The following PDCD7 variants were observed in gnomAD, a reference collection of about 807,000 sequenced individuals.
PDCD7 encodes programmed cell death 7.
A neutral mutation model predicts 42.1 loss-of-function variants in PDCD7; 40 were observed. That is an observed-to-expected ratio of 0.95 (90% CI 0.74 to 1.24). The LOEUF (loss-of-function observed/expected upper bound fraction) is 1.24. Ranked by LOEUF, PDCD7 falls within the 50% of genes most tolerant of loss-of-function variation. The probability of loss-of-function intolerance (pLI) is 0.00; values close to 1 mark genes in which losing one functional copy is unlikely to be tolerated. For missense variants in PDCD7, 644 were observed against 662.8 expected (o/e 0.97, Z 0.31); for synonymous variants, 299 against 303.3 (o/e 0.99, Z 0.15).
chr15:65,120,656 G>A (rs57723339), intron 2 of PDCD7, among the ~76,000 whole-genome samples: 9 of 152,078 alleles, frequency 5.9e-5, no homozygotes, highest in East Asian at 5.8e-4. Context: ...TGCAGTGAGC[G>A]GAGATCACAC....
At position 65,119,468 on chromosome 15, in the gene PDCD7, AAG is replaced by A; in HGVS notation, c.1247-7_1247-6del. 1 of 1,603,704 alleles carries A rather than the reference AAG, an allele frequency of 6.2e-7. No homozygotes were observed. Among genetic ancestry groups the A allele is most frequent in the Non-Finnish European group, 8.5e-7 (1 of 1,170,572 alleles). ...GGTGAGCAAGTGGGAACTCATCTGA[AAG>A]AGAAAAGCACAATACCACGTTATCA... is the stretch of plus-strand genomic sequence containing the variant. On this transcript the variant is annotated splice_polypyrimidine_tract_variant and splice_region_variant and intron_variant, in intron 3 of 4. Coordinates refer to ENST00000204549, the MANE Select transcript of PDCD7 (RefSeq NM_005707.2).
chr15:65,132,397 G>A (rs560097280), intron 1 of PDCD7, among the ~76,000 whole-genome samples: 2 of 151,566 alleles, frequency 1.3e-5, no homozygotes, highest in Non-Finnish European at 2.9e-5. Context: ...GATTACAGGC[G>A]CCCGCCACCA....
rs527284873 is a variant in PDCD7 at position 65,131,852 on chromosome 15, G to A, written c.870+1060C>T. On this transcript the variant is annotated intron_variant, in intron 1 of 4. Transcript: ENST00000204549. ...CTGAGATCAATACGCTTTGGAATTA[G>A]ACAACTTGGGATCAAATATGGGAAA... is the stretch of plus-strand genomic sequence containing the variant. Among the ~76,000 whole-genome samples the A allele has an allele frequency of 7.2e-5, 11 of 152,184 alleles. No individual in the cohort carries two copies. The South Asian group carries it at 2.3e-3, about 32-fold the overall frequency.
intron 1 of PDCD7, among the ~76,000 whole-genome samples, chr15:65,131,777 G>A (rs933568758): frequency 6.6e-6 from 1 of 152,006 alleles, no homozygotes; most frequent in African/African-American, 2.4e-5. Context: ...AAATGCCTTA[G>A]AAAACCATCT....
At chr15:65,132,272 G>A (rs1321938847) in intron 1 of PDCD7, among the ~76,000 whole-genome samples, 1 of 151,178 alleles carries the variant, frequency 6.6e-6, no homozygotes, top group East Asian at 1.9e-4. Flanking sequence ...TTGAGGTAGG[G>A]TCCCCAAGTT....
At chr15:65,122,986 G>C (rs2087469164) in intron 2 of PDCD7, among the ~76,000 whole-genome samples, 1 of 150,418 alleles carries the variant, frequency 6.6e-6, no homozygotes, top group Non-Finnish European at 1.5e-5. Flanking sequence ...TGGGCAACAA[G>C]AGTGAAACTC....
chr15:65,129,342 G>C (rs2087521486), intron 1 of PDCD7, among the ~76,000 whole-genome samples, 172 bp from the exon 2 acceptor site: 1 of 152,152 alleles, frequency 6.6e-6, no homozygotes, highest in Non-Finnish European at 1.5e-5. Context: ...CTAGCTAAGA[G>C]GTTATCCCCC....
intron 2 of PDCD7, among the ~76,000 whole-genome samples, chr15:65,121,730 TAGTC>T (rs1306125417): frequency 1.3e-5 from 2 of 152,266 alleles, no homozygotes; most frequent in South Asian, 2.1e-4. Flanking sequence ...GTGGAGAAAA[TAGTC>T]AGGTTATTAG....
At chr15:65,126,970 C>T (rs1351197468) in intron 2 of PDCD7, among the ~76,000 whole-genome samples, 1 of 151,886 alleles carries the variant, frequency 6.6e-6, no homozygotes, top group African/African-American at 2.4e-5. Context: ...TTCTGAATTA[C>T]TCAATTATTC....
Position 65,118,641 on chromosome 15 carries a change from A to G in PDCD7, c.*76T>C. 4.9e-6 allele frequency: 7 copies of G among 1,435,210 alleles called. No individual in the cohort carries two copies. The South Asian group carries it at 7.6e-5, about 16-fold the overall frequency. 88.9% of individuals were successfully genotyped at this position (1,435,210 alleles called of 1,614,324 possible). ...ATTTAGAAGTTGCAGTTTAGTCTAC[A>G]GCAAAAGATGGCACCATCGCTAATA... On this transcript the variant is annotated 3_prime_UTR_variant, in exon 5 of 5. Coordinates refer to ENST00000204549, the MANE Select transcript of PDCD7 (RefSeq NM_005707.2).
chr15:65,131,891 G>A (rs547428630), intron 1 of PDCD7, among the ~76,000 whole-genome samples: 11 of 152,086 alleles, frequency 7.2e-5, no homozygotes, highest in African/African-American at 2.7e-4. Flanking sequence ...CCACAAACTC[G>A]TTGTGTGACT....
Position 65,133,450 on chromosome 15 carries a change from G to A in PDCD7, c.332C>T (p.Pro111Leu), listed in dbSNP as rs2087560936. Residue 111 changes from proline to leucine, a missense_variant, in exon 1 of 5, where the codon CCT (proline) becomes CTT (leucine). Physicochemically the swap from Pro to Leu is moderately conservative, Grantham distance 98 (BLOSUM62 -3). Coordinates refer to ENST00000204549, the MANE Select transcript of PDCD7 (RefSeq NM_005707.2). ...TDAGERPRPP[P>L]PGPGPPWSPR... ...GCTCCAGGGCGGCCCCGGGCCGGGA[G>A]GCGGTGGCCGCGGCCGCTCGCCGGC... 2 of 1,201,062 alleles carry A rather than the reference G, an allele frequency of 1.7e-6. No homozygotes were observed. Among genetic ancestry groups the A allele is most frequent in the Admixed American group, 4.4e-5 (1 of 22,496 alleles). 74.4% of individuals were successfully genotyped at this position (1,201,062 alleles called of 1,614,324 possible).
chr15:65,119,919 TA>T lies in PDCD7; in HGVS notation c.1044del (p.Phe348LeufsTer8), dbSNP rs761531041. On this transcript the variant is annotated frameshift_variant, in exon 3 of 5. Coordinates refer to ENST00000204549, the MANE Select transcript of PDCD7 (RefSeq NM_005707.2). LOFTEE classifies it high-confidence loss of function. ...VCPPASADET[F>X]THHLQRLRKL... is the part of the protein sequence containing the mutation. ...TTTCTCAGTCGCTGAAGATGATGCG[TA>T]AAAGTCTCATCTGCTGAGGCTGGAG... 1.2e-6 allele frequency: 2 copies of T among 1,614,156 alleles called. No individual in the cohort carries two copies. The highest frequency in any genetic ancestry group is 1.7e-6 in the Non-Finnish European group (2 of 1,180,040).
Position 65,133,292 on chromosome 15 carries a change from G to A in PDCD7, c.490C>T (p.Arg164Cys). ...PRRAGCPVPQ[R>C]THAGPSLGEV... The stretch of plus-strand genomic sequence containing the variant: ...CCAAGGCTGGGCCCGGCATGCGTGC[G>A]CTGGGGCACCGGACAGCCTGCCCGC... Residue 164 changes from arginine (R) to cysteine (C), a missense_variant, in exon 1 of 5, where the codon CGC becomes TGC. Physicochemically the swap from Arg to Cys is radical, Grantham distance 180. Transcript: ENST00000204549. 7.6e-7 allele frequency: 1 copy of A among 1,315,612 alleles called. No homozygotes were observed. The highest frequency in any genetic ancestry group is 9.6e-7 in the Non-Finnish European group (1 of 1,038,346). The allele number at this position is 1,315,612 out of a possible 1,614,324, so 81.5% of individuals were successfully genotyped here. A position where few individuals can be genotyped will look rare whatever the true frequency, so the allele number is the denominator to read the frequency against.
chr15:65,125,987 C>G (rs1309790652), intron 2 of PDCD7, among the ~76,000 whole-genome samples: 1 of 152,162 alleles, frequency 6.6e-6, no homozygotes, highest in Non-Finnish European at 1.5e-5. Context: ...TCCATCAGAT[C>G]TCATGAGACT....
intron 2 of PDCD7, among the ~76,000 whole-genome samples, chr15:65,126,397 C>A (rs2087496284): frequency 6.6e-6 from 1 of 152,172 alleles, no homozygotes; most frequent in South Asian, 2.1e-4. Context: ...TCAAACTCGA[C>A]AGGTCCCCAA....
At chr15:65,132,200 A>G (rs2087545874) in intron 1 of PDCD7, among the ~76,000 whole-genome samples, 1 of 151,414 alleles carries the variant, frequency 6.6e-6, no homozygotes, top group Non-Finnish European at 1.5e-5. Flanking sequence ...TAAAACTTGT[A>G]AACAAAAGAA....
chr15:65,133,603 A>C lies in PDCD7; in HGVS notation c.179T>G (p.Leu60Arg), dbSNP rs1042370582. The C allele has an allele frequency of 4.8e-6, 6 of 1,239,008 alleles. No individual in the cohort carries two copies. Among genetic ancestry groups the C allele is most frequent in the Non-Finnish European group, 6.1e-6 (6 of 990,616 alleles). 76.8% of individuals were successfully genotyped at this position (1,239,008 alleles called of 1,614,324 possible). The change falls in exon 1 of 5, where the codon CTG (leucine) becomes CGG (arginine). Residue 60 changes from leucine to arginine, a missense_variant. Leu to Arg is a moderately radical substitution (Grantham distance 102). Transcript: ENST00000204549. Reference protein sequence around the residue: ...GASAPFLQPPLALQPRASAEA... With the variant: ...GASAPFLQPPRALQPRASAEA... ...CGCGGAGGCTCGGGGCTGCAGAGCC[A>C]GCGGAGGCTGAAGGAAGGGGGCGGA...
intron 2 of PDCD7, among the ~76,000 whole-genome samples, chr15:65,122,860 G>A (rs2087467813): frequency 1.3e-5 from 2 of 151,808 alleles, no homozygotes; most frequent in South Asian, 4.2e-4. Flanking sequence ...AAATTAGCCG[G>A]GCGTGGTGGC....
Sources: allele counts gnomAD v4.1 joint callset (sites outside exome capture counted in the v4.1 genomes callset), GRCh38; gene constraint gnomAD v4.1.1; transcripts MANE v1.5; gene names NCBI Gene and HGNC (gene_info 2026-07-23, HGNC 2026-07-21).